The following FABP4 variants were observed in gnomAD, a reference collection of about 807,000 sequenced individuals.
FABP4 encodes the protein fatty acid-binding protein, adipocyte.
FABP4 carries 17 observed loss-of-function variants against 14.6 expected under a neutral mutation model. The observed-to-expected ratio is 1.16, with a 90% confidence interval of 0.80 to 1.74. The LOEUF is 1.74. FABP4 is among the 40% of genes most tolerant of loss of function. FABP4 has a pLI of 0.00. For missense variants in FABP4, 149 were observed against 160.3 expected (o/e 0.93, Z 0.38); for synonymous variants, 54 against 54.6 (o/e 0.99, Z 0.05).
chr8:81,481,603 G>A (rs1248689295), intron 1 of FABP4, among the ~76,000 whole-genome samples: 2 of 152,160 alleles, frequency 1.3e-5, no homozygotes, highest in Non-Finnish European at 2.9e-5. Flanking sequence ...GCAACCAAAG[G>A]TTAGAAATTG....
At chr8:81,480,708 C>G (rs1808066042) in intron 1 of FABP4, 110 bp from the exon 2 acceptor site, 1 of 898,852 alleles carries the variant, frequency 1.1e-6, no homozygotes, top group Admixed American at 3.7e-5. Flanking sequence ...GAAAAAGGCA[C>G]AGAGAGTTTC....
intron 2 of FABP4, 113 bp downstream of exon 2, chr8:81,480,313 G>T: frequency 9.6e-7 from 1 of 1,036,558 alleles, no homozygotes; most frequent in Non-Finnish European, 1.4e-6. Context: ...GGAGTTCAGG[G>T]ATCTTTGGCT....
At chr8:81,481,259 G>A (rs2129799328) in intron 1 of FABP4, among the ~76,000 whole-genome samples, 2 of 152,208 alleles carry the variant, frequency 1.3e-5, no homozygotes, top group South Asian at 4.1e-4. Flanking sequence ...TAACATTTTA[G>A]AATGGTGATA....
rs146187614 is a variant in FABP4 at position 81,480,447 on chromosome 8, A to T, written c.225T>A (p.Thr75=). ...TCACCTTGACTTTCCTGTCATCTGC[A>T]GTGACTTCGTCAAATTCCTGGCCCA... The part of the protein sequence containing the change: ...FILGQEFDEV[T]ADDRKVKSTI... The change falls in exon 2 of 4, where the codon ACT becomes ACA. Residue 75 remains threonine (T), a synonymous_variant. Coordinates refer to ENST00000256104, the MANE Select transcript of FABP4 (RefSeq NM_001442.3). 4.2e-5 allele frequency: 67 copies of T among 1,613,698 alleles called. No individual in the cohort carries two copies. In the East Asian group the frequency reaches 7.4e-4, roughly 18 times the overall value.
chr8:81,482,849 A>C (rs186098688), intron 1 of FABP4, among the ~76,000 whole-genome samples: 75 of 152,314 alleles, frequency 4.9e-4, no homozygotes, highest in Middle Eastern at 3.4e-3. Context: ...TTCTAAAGAC[A>C]ATAAACATTC....
chr8:81,479,647 GA>G (rs2129793681), intron 2 of FABP4, 132 bp from the exon 3 acceptor site: 16 of 571,874 alleles, frequency 2.8e-5, no homozygotes, highest in Non-Finnish European at 3.7e-5. Context: ...ATTGCAACAA[GA>G]AAAAAAATGA....
intron 1 of FABP4, among the ~76,000 whole-genome samples, chr8:81,481,055 G>T (rs1419686893): frequency 6.6e-6 from 1 of 152,118 alleles, no homozygotes; most frequent in African/African-American, 2.4e-5. Context: ...CACAAAGACA[G>T]AATTTTCAAC....
At chr8:81,479,682 A>G in intron 2 of FABP4, 167 bp from the exon 3 acceptor site, 1 of 528,542 alleles carries the variant, frequency 1.9e-6, no homozygotes, top group Non-Finnish European at 3.4e-6. Flanking sequence ...CAACATAACC[A>G]CTTATGGATA....
intron 3 of FABP4, 125 bp from the exon 4 acceptor site, chr8:81,479,040 A>T: frequency 1.3e-6 from 1 of 783,124 alleles, no homozygotes; most frequent in Non-Finnish European, 2.1e-6. Flanking sequence ...ACTCCTATAT[A>T]TGTAACCCAT....
In FABP4 at chr8:81,479,489, G is replaced by A. The variant is rs1406407733; in HGVS notation, c.273C>T (p.Val91=). Residue 91 remains valine (V), a synonymous_variant, in exon 3 of 4, where the codon GTC becomes GTT. Transcript: ENST00000256104. ...VKSTITLDGG[V]LVHVQKWDGK... is the part of the protein sequence containing the mutation. ...CATCCCATTTCTGCACATGTACCAG[G>A]ACACCCCCATCTAAGGTTATGGTGC... 6.2e-7 allele frequency: 1 copy of A among 1,613,018 alleles called. No individual in the cohort carries two copies. Among genetic ancestry groups the A allele is most frequent in the Non-Finnish European group, 8.5e-7 (1 of 1,179,398 alleles).
intron 3 of FABP4, 63 bp downstream of exon 3, chr8:81,479,351 G>C (rs1217967210): frequency 1.6e-6 from 2 of 1,272,758 alleles, no homozygotes; most frequent in African/African-American, 3.0e-5. Flanking sequence ...TCCTTAAGTG[G>C]AATAGTGATC....
At chr8:81,482,240 C>A (rs1053366323) in intron 1 of FABP4, among the ~76,000 whole-genome samples, 1 of 152,100 alleles carries the variant, frequency 6.6e-6, no homozygotes, top group Non-Finnish European at 1.5e-5. Context: ...CCTAAGATTG[C>A]ATAAAATTCC....
In FABP4 at chr8:81,478,921, C is replaced by T. The variant is rs1375655191; in HGVS notation, c.349-6G>A. 3 of 1,611,666 alleles carry T rather than the reference C, an allele frequency of 1.9e-6. No homozygotes were observed. Among genetic ancestry groups the T allele is most frequent in the East Asian group, 2.2e-5 (1 of 44,856 alleles). ...ACGCCTTTCATGACGCATTCCTAGA[C>T]ACAAAAAACAATTCTTGGTCAATCA... is the stretch of plus-strand genomic sequence containing the variant. On this transcript the variant is annotated splice_polypyrimidine_tract_variant and splice_region_variant and intron_variant, in intron 3 of 3. Coordinates refer to ENST00000256104, the MANE Select transcript of FABP4 (RefSeq NM_001442.3).
chr8:81,480,879 T>C (rs986328568), intron 1 of FABP4, among the ~76,000 whole-genome samples: 26 of 152,114 alleles, frequency 1.7e-4, no homozygotes, highest in Admixed American at 1.7e-3. Context: ...GGATACAACT[T>C]CTCAGGAGAC....
chr8:81,479,351 G>A (rs1217967210), intron 3 of FABP4, 63 bp downstream of exon 3: 28 of 1,272,756 alleles, frequency 2.2e-5, no homozygotes, highest in Non-Finnish European at 3.0e-5. Flanking sequence ...TCCTTAAGTG[G>A]AATAGTGATC....
In FABP4 at chr8:81,482,491, G is replaced by A. The variant is rs186682935; in HGVS notation, c.73+604C>T. Among the ~76,000 whole-genome samples, 67 of 152,250 alleles carry A rather than the reference G, an allele frequency of 4.4e-4. 1 individual carries two copies. Among genetic ancestry groups the A allele is most frequent in the Admixed American group, 1.4e-3 (22 of 15,286 alleles). On this transcript the variant is annotated intron_variant, in intron 1 of 3. Coordinates refer to ENST00000256104, the MANE Select transcript of FABP4 (RefSeq NM_001442.3). ...TGCGTAACATTCTCCTTTTAAATTG[G>A]TTGATAATTCTATGGCATACTATGT...
chr8:81,483,072 C>A, intron 1 of FABP4, 23 bp downstream of exon 1: 1 of 1,567,330 alleles, frequency 6.4e-7, no homozygotes, highest in South Asian at 1.2e-5. Flanking sequence ...TAAATCCAGT[C>A]ATTCCACAAC....
chr8:81,478,890 G>A lies in FABP4; in HGVS notation c.374C>T (p.Ser125Phe). The change falls in exon 4 of 4, where the codon TCC becomes TTC. Residue 125 changes from serine to phenylalanine, a missense_variant. By Grantham distance (155) the Ser-to-Phe change is radical (BLOSUM62 -2). Transcript: ENST00000256104. Reference protein sequence around the residue: ...VVECVMKGVTSTRVYERA With the variant: ...VVECVMKGVTFTRVYERA The stretch of plus-strand genomic sequence containing the variant: ...TTATGCTCTCTCATAAACTCTCGTG[G>A]AAGTGACGCCTTTCATGACGCATTC... 1 of 1,613,192 alleles carries A rather than the reference G, an allele frequency of 6.2e-7. No homozygotes were observed. The highest frequency in any genetic ancestry group is 8.5e-7 in the Non-Finnish European group (1 of 1,179,390).
chr8:81,482,635 A>C (rs1402665027), intron 1 of FABP4, among the ~76,000 whole-genome samples: 4 of 152,208 alleles, frequency 2.6e-5, no homozygotes, highest in African/African-American at 9.6e-5. Flanking sequence ...ACAAGAAAAT[A>C]ATTGGCTAAC....
Sources: allele counts gnomAD v4.1 joint callset (sites outside exome capture counted in the v4.1 genomes callset), GRCh38; gene constraint gnomAD v4.1.1; transcripts MANE v1.5; gene names NCBI Gene and HGNC (gene_info 2026-07-23, HGNC 2026-07-21).